The following MGST2 variants were observed in gnomAD, a reference collection of about 807,000 sequenced individuals.
MGST2 encodes microsomal glutathione S-transferase 2, also known as glutathione peroxidase MGST2.
In MGST2, 9 loss-of-function variants were observed where a neutral mutation model predicts 16.6. That is an observed-to-expected ratio of 0.54 (90% CI 0.33 to 0.95). The LOEUF is 0.95. Among genes scored for constraint, MGST2 ranks in the 40% least tolerant of loss-of-function variants. MGST2 has a pLI of 0.03. For missense variants in MGST2, 159 were observed against 175.1 expected, an observed-to-expected ratio of 0.91 and a Z score of 0.52; for synonymous variants, 79 against 68.0, an observed-to-expected ratio of 1.16 and a Z score of -0.79.
the MGST2 span, among the ~76,000 whole-genome samples, chr4:139,750,747 T>C: frequency 6.6e-6 from 1 of 152,196 alleles, no homozygotes; most frequent in Non-Finnish European, 1.5e-5. Context: ...CCTAAGGCAC[T>C]CTATTTTGAA....
downstream of MGST2, among the ~76,000 whole-genome samples, chr4:139,742,149 CTTTTT>C (rs67056013): frequency 2.6e-5 from 3 of 113,688 alleles, no homozygotes; most frequent in Non-Finnish European, 3.7e-5. Context: ...CTTTTCTTTT[CTTTTT>C]TTTTTTTTTT....
Position 139,735,663 on chromosome 4 carries a change from G to C in MGST2, c.*49-4549G>C, listed in dbSNP as rs1483773830. Among the ~76,000 whole-genome samples the C allele has an allele frequency of 1.3e-5, 2 of 152,182 alleles. No individual in the cohort carries two copies. The highest frequency in any genetic ancestry group is 3.8e-4 in the East Asian group (2 of 5,196). On this transcript the variant is annotated intron_variant, in intron 5 of 5. Coordinates refer to the MGST2 transcript ENST00000616265. This position sits in a 1 kb window ranked among gnomAD's most constrained non-coding sequence, Gnocchi z 5.8. Reference sequence around the variant, plus strand: ...TACGAACAACCTAAATGAAATTTAGGGTTTTATTGAAAAAGTCCCCTGGGG... The same window carrying C: ...TACGAACAACCTAAATGAAATTTAGCGTTTTATTGAAAAAGTCCCCTGGGG...
chr4:139,710,069 A>G (rs1274597431), intron 5 of MGST2, among the ~76,000 whole-genome samples: 1 of 152,236 alleles, frequency 6.6e-6, no homozygotes, highest in Non-Finnish European at 1.5e-5. Context: ...TTCCATTTTC[A>G]GATAATTTTT....
chr4:139,747,262 GGC>G, the MGST2 span, among the ~76,000 whole-genome samples: 1 of 152,218 alleles, frequency 6.6e-6, no homozygotes, highest in Non-Finnish European at 1.5e-5. Context: ...GAGAGTTTGT[GGC>G]GCCGGTGGGA....
Position 139,703,537 on chromosome 4 carries a change from G to T in MGST2, c.311+1G>T. 1 of 1,613,378 alleles carries T rather than the reference G, an allele frequency of 6.2e-7. No homozygotes were observed. The highest frequency in any genetic ancestry group is 1.1e-5 in the South Asian group (1 of 91,060). On this transcript the variant is annotated splice_donor_variant, in intron 4 of 4. Coordinates refer to ENST00000265498, the MANE Select transcript of MGST2 (RefSeq NM_002413.5). LOFTEE classifies it high-confidence loss of function. ...GATATTCAGAAGCTGCTAAAAAACG[G>T]TAAGGAGAACCCAGTAATTTTGTAT...
chr4:139,730,631 G>A, intron 5 of MGST2: 1 of 1,613,300 alleles, frequency 6.2e-7, no homozygotes, highest in Non-Finnish European at 8.5e-7. Flanking sequence ...GACTGCATGG[G>A]GCCTGTGGTT....
chr4:139,716,463 A>G (rs928420425), intron 5 of MGST2, among the ~76,000 whole-genome samples: 7 of 152,218 alleles, frequency 4.6e-5, no homozygotes, highest in Admixed American at 2.0e-4. Flanking sequence ...TGGAATTGTT[A>G]TGGTACTGAA....
chr4:139,742,919 A>G (rs1008917127), downstream of MGST2, among the ~76,000 whole-genome samples: 3 of 152,136 alleles, frequency 2.0e-5, no homozygotes, highest in African/African-American at 7.2e-5. Context: ...AAGCATAAAT[A>G]TTTTTGCTTA....
chr4:139,719,993 C>T, intron 5 of MGST2: 9 of 1,614,078 alleles, frequency 5.6e-6, no homozygotes, highest in Non-Finnish European at 7.6e-6. Context: ...CATGCTCTGA[C>T]CAAAGCCACT....
At chr4:139,708,444 C>T, downstream of MGST2, among the ~76,000 whole-genome samples, 1 of 152,264 alleles carries the variant, frequency 6.6e-6, no homozygotes, top group South Asian at 2.1e-4. Flanking sequence ...GTACCAGTAC[C>T]ATGCTGTTTT....
intron 2 of MGST2, among the ~76,000 whole-genome samples, chr4:139,686,195 A>G (rs1197428363): frequency 6.6e-6 from 1 of 152,196 alleles, no homozygotes; most frequent in Non-Finnish European, 1.5e-5. Context: ...GCTTATAGGT[A>G]GATTTAAAAT....
Position 139,704,234 on chromosome 4 carries a change from T to C in MGST2, c.*86T>C. 6.6e-7 allele frequency: 1 copy of C among 1,510,950 alleles called. No homozygotes were observed. Among genetic ancestry groups the C allele is most frequent in the Non-Finnish European group, 9.2e-7 (1 of 1,091,582 alleles). 93.6% of individuals were successfully genotyped at this position (1,510,950 alleles called of 1,614,324 possible). ...CATTTGTTAAATAAAAATAAAGTCT[T>C]TATTCTGTTTTTCTTGAAATGGCTT... On this transcript the variant is annotated 3_prime_UTR_variant, in exon 5 of 5. Transcript: ENST00000265498.
chr4:139,737,357 T>TCACA (rs1728986435), intron 5 of MGST2, among the ~76,000 whole-genome samples: 1 of 65,598 alleles, frequency 1.5e-5, no homozygotes. Flanking sequence ...TTAAGGAACT[T>TCACA]GTCTGGTGGT....
At chr4:139,733,446 CT>C (rs1345063461) in intron 5 of MGST2, among the ~76,000 whole-genome samples, 1 of 151,888 alleles carries the variant, frequency 6.6e-6, no homozygotes, top group Non-Finnish European at 1.5e-5. Context: ...TCCCAGCCTC[CT>C]CTCCACTGGG....
chr4:139,702,554 A>T (rs1727306542), intron 3 of MGST2, among the ~76,000 whole-genome samples: 1 of 152,098 alleles, frequency 6.6e-6, no homozygotes, highest in East Asian at 1.9e-4. Context: ...AGACTCTATC[A>T]CAGCTTGGTT....
chr4:139,667,804 A>G (rs1399960730), intron 1 of MGST2, among the ~76,000 whole-genome samples: 2 of 152,056 alleles, frequency 1.3e-5, no homozygotes, highest in African/African-American at 4.8e-5. Flanking sequence ...GTTGCAGTGG[A>G]CTGAGATCAC....
At chr4:139,693,486 G>C in intron 2 of MGST2, among the ~76,000 whole-genome samples, 2 of 151,868 alleles carry the variant, frequency 1.3e-5, no homozygotes, top group South Asian at 4.2e-4. Flanking sequence ...ATTTTACCTC[G>C]TGGGAAACAG....
At position 139,735,416 on chromosome 4, in the gene MGST2, C is replaced by T. The variant is rs1273265402; in HGVS notation, c.*49-4796C>T. ...AGTGGGGGAGGGCGCGGGAAGGGGA[C>T]GTGGAGGGAAACGGAAGGGCTGGGA... On this transcript the variant is annotated intron_variant, in intron 5 of 5. Coordinates refer to the MGST2 transcript ENST00000616265. This position sits in a 1 kb window ranked among gnomAD's most constrained non-coding sequence, Gnocchi z 5.8. Among the ~76,000 whole-genome samples the T allele has an allele frequency of 4.9e-5, 6 of 122,082 alleles. No individual in the cohort carries two copies. In the Admixed American group the frequency reaches 5.1e-4, roughly 10 times the overall value. 80.1% of individuals were successfully genotyped at this position (122,082 alleles called of 152,430 possible). A position where few individuals can be genotyped will look rare whatever the true frequency, so the allele number is the denominator to read the frequency against.
At chr4:139,679,429 A>G (rs1306022162) in intron 2 of MGST2, among the ~76,000 whole-genome samples, 5 of 152,228 alleles carry the variant, frequency 3.3e-5, no homozygotes, top group Non-Finnish European at 5.9e-5. Flanking sequence ...AGTTGGAGGA[A>G]GCATCCTGTT....
Sources: gnomAD v4.1 joint callset for allele counts (sites outside exome capture counted in the v4.1 genomes callset) on GRCh38, gnomAD v4.1.1 for gene constraint, Gnocchi (gnomAD v3.1) non-coding constraint, MANE v1.5 for transcripts, NCBI Gene and HGNC (gene_info 2026-07-23, HGNC 2026-07-21) for gene names.